PTPRR: variants seen among roughly 807,000 people sequenced by gnomAD.
PTPRR encodes the protein receptor-type tyrosine-protein phosphatase R.
In PTPRR, 38 loss-of-function variants were observed where a neutral mutation model predicts 77.2. That is an observed-to-expected ratio of 0.49 (90% CI 0.38 to 0.65). The LOEUF (loss-of-function observed/expected upper bound fraction) is 0.65. Among genes scored for constraint, PTPRR ranks in the 30% least tolerant of loss-of-function variants. PTPRR has a pLI of 0.00. For missense variants in PTPRR, 744 were observed against 799.2 expected (o/e 0.93, Z 0.83); for synonymous variants, 299 against 283.1 (o/e 1.06, Z -0.57).
intron 2 of PTPRR, among the ~76,000 whole-genome samples, chr12:70,786,474 G>T (rs1891323738): frequency 6.6e-6 from 1 of 152,086 alleles, no homozygotes; most frequent in Admixed American, 6.5e-5. Context: ...TTTCAGATGT[G>T]GGTGAAATAA....
intron 8 of PTPRR, among the ~76,000 whole-genome samples, chr12:70,691,218 A>G (rs1426620169): frequency 1.3e-5 from 2 of 152,154 alleles, no homozygotes; most frequent in Non-Finnish European, 1.5e-5. Context: ...TAAGGTCACC[A>G]CTGACCCTCT....
chr12:70,846,939 T>A (rs1892494928), intron 2 of PTPRR, among the ~76,000 whole-genome samples: 1 of 152,090 alleles, frequency 6.6e-6, no homozygotes, highest in Non-Finnish European at 1.5e-5. Flanking sequence ...TGAAATTGCT[T>A]ATGGGTATCT....
At position 70,659,625 on chromosome 12, in the gene PTPRR, G is replaced by A. The variant is rs118145614; in HGVS notation, c.1766+1315C>T. 2.8e-3 allele frequency among the ~76,000 whole-genome samples: 426 copies of A among 152,166 alleles called. 1 individual carries two copies. Among genetic ancestry groups the A allele is most frequent in the Non-Finnish European group, 4.4e-3 (300 of 68,004 alleles). ...GGTGGGGGACAGTTCCAGCCCTAAC[G>A]CATAGTCAGTTAGGCTGTTTTTTTG... is the stretch of plus-strand genomic sequence containing the variant. On this transcript the variant is annotated intron_variant, in intron 12 of 13. Coordinates refer to ENST00000283228, the MANE Select transcript of PTPRR (RefSeq NM_002849.4).
intron 6 of PTPRR, among the ~76,000 whole-genome samples, chr12:70,704,393 G>A (rs1888541909): frequency 1.3e-5 from 2 of 151,906 alleles, no homozygotes; most frequent in Admixed American, 1.3e-4. Flanking sequence ...CGTACTCCAG[G>A]TTGGGTGACA....
chr12:70,724,028 G>T (rs192677789), intron 6 of PTPRR, among the ~76,000 whole-genome samples: 20 of 152,218 alleles, frequency 1.3e-4, no homozygotes, highest in Admixed American at 1.2e-3. Context: ...AAATAGGAGA[G>T]CAAAATGTTT....
chr12:70,653,284 G>C (rs1055111269), intron 13 of PTPRR, among the ~76,000 whole-genome samples: 1 of 152,158 alleles, frequency 6.6e-6, no homozygotes, highest in African/African-American at 2.4e-5. Context: ...CCTAAAATTT[G>C]AAGTGAAGCA....
At chr12:70,788,923 G>C in intron 2 of PTPRR, 2 of 1,455,814 alleles carry the variant, frequency 1.4e-6, no homozygotes, top group Non-Finnish European at 1.8e-6. Context: ...AGCTTTCTAA[G>C]CTTGTGTGCT....
intron 13 of PTPRR, among the ~76,000 whole-genome samples, chr12:70,641,451 G>A (rs1193962188): frequency 6.6e-6 from 1 of 152,194 alleles, no homozygotes; most frequent in African/African-American, 2.4e-5. Context: ...TTCACCCTAA[G>A]TGGGTCAGTG....
chr12:70,809,757 T>C (rs904935158), intron 2 of PTPRR, among the ~76,000 whole-genome samples: 1 of 152,210 alleles, frequency 6.6e-6, no homozygotes, highest in Non-Finnish European at 1.5e-5. Flanking sequence ...ATTGATTGAA[T>C]ATGGTTTCAT....
chr12:70,753,855 T>C lies in PTPRR; in HGVS notation c.738+336A>G, dbSNP rs552552910. Among the ~76,000 whole-genome samples the C allele has an allele frequency of 3.3e-5, 5 of 152,162 alleles. No homozygotes were observed. In the East Asian group the frequency reaches 9.7e-4, roughly 29 times the overall value. ...CATAAAGATGATATAAAAGGAGAAA[T>C]AAAGTAAACCCAAAGTGTGCCCGTG... On this transcript the variant is annotated intron_variant, in intron 5 of 13. Coordinates refer to ENST00000283228, the MANE Select transcript of PTPRR (RefSeq NM_002849.4).
chr12:70,878,315 C>A (rs1893088256), intron 2 of PTPRR, among the ~76,000 whole-genome samples: 1 of 152,128 alleles, frequency 6.6e-6, no homozygotes. Flanking sequence ...GAACAGGCAA[C>A]CTTCAGAATG....
At chr12:70,816,818 A>C (rs927599421) in intron 2 of PTPRR, among the ~76,000 whole-genome samples, 2 of 152,138 alleles carry the variant, frequency 1.3e-5, no homozygotes, top group South Asian at 4.1e-4. Flanking sequence ...TATGTTTTTC[A>C]ACTTCTAAGT....
intron 3 of PTPRR, among the ~76,000 whole-genome samples, chr12:70,764,439 T>C (rs868381705): frequency 5.3e-5 from 8 of 152,208 alleles, no homozygotes; most frequent in African/African-American, 1.9e-4. Flanking sequence ...TTAGGCTTCA[T>C]GAGCCAATCT....
At chr12:70,886,264 T>G (rs975068709) in intron 2 of PTPRR, among the ~76,000 whole-genome samples, 8 of 152,226 alleles carry the variant, frequency 5.3e-5, no homozygotes, top group Non-Finnish European at 1.2e-4. Context: ...GATACAGTAA[T>G]AGCTGGGGAA....
At chr12:70,763,415 A>G (rs1298544845) in intron 3 of PTPRR, among the ~76,000 whole-genome samples, 4 of 152,198 alleles carry the variant, frequency 2.6e-5, no homozygotes, top group African/African-American at 9.6e-5. Flanking sequence ...TACAGGCGTG[A>G]GCCACCGGGT....
chr12:70,704,687 C>T (rs1314706462), intron 6 of PTPRR, among the ~76,000 whole-genome samples: 1 of 151,922 alleles, frequency 6.6e-6, no homozygotes, highest in East Asian at 1.9e-4. Flanking sequence ...TTATATATTA[C>T]AGTCAGAAAG....
chr12:70,692,195 A>C (rs1455043723), intron 8 of PTPRR, among the ~76,000 whole-genome samples: 1 of 152,122 alleles, frequency 6.6e-6, no homozygotes, highest in African/African-American at 2.4e-5. Flanking sequence ...ATTGTATATA[A>C]TCCTATTTGT....
chr12:70,840,341 C>A (rs910586316), intron 2 of PTPRR, among the ~76,000 whole-genome samples: 6 of 152,138 alleles, frequency 3.9e-5, no homozygotes, highest in Non-Finnish European at 4.4e-5. Context: ...CTGTCTTTTT[C>A]TCCCACTTTT....
chr12:70,915,675 C>A (rs1457513256), intron 1 of PTPRR, among the ~76,000 whole-genome samples: 1 of 152,146 alleles, frequency 6.6e-6, no homozygotes, highest in African/African-American at 2.4e-5. Context: ...CTAACACAAA[C>A]CCATCCTTTA....
Sources: gnomAD v4.1 joint callset for allele counts (sites outside exome capture counted in the v4.1 genomes callset) on GRCh38, gnomAD v4.1.1 for gene constraint, MANE v1.5 for transcripts, NCBI Gene and HGNC (gene_info 2026-07-23, HGNC 2026-07-21) for gene names.